The following HNRNPD variants were observed in gnomAD, a reference collection of about 807,000 sequenced individuals.
The protein encoded by HNRNPD is heterogeneous nuclear ribonucleoprotein D, also known as heterogeneous nuclear ribonucleoprotein D0.
In HNRNPD, 3 loss-of-function variants were observed where a neutral mutation model predicts 47.9. The ratio of observed to expected loss-of-function variants is 0.06; its 90% confidence interval spans 0.03 to 0.16. HNRNPD has a LOEUF of 0.16. Ranked by LOEUF, HNRNPD falls within the 10% of genes least tolerant of loss-of-function variation. The pLI is 1.00. For synonymous variants in HNRNPD, 171 were observed against 165.1 expected (o/e 1.04, Z -0.28); for missense variants, 287 against 454.2 (o/e 0.63, Z 3.35).
chr4:82,359,905 A>C (rs1261049920), intron 2 of HNRNPD, among the ~76,000 whole-genome samples: 1 of 152,188 alleles, frequency 6.6e-6, no homozygotes, highest in African/African-American at 2.4e-5. Flanking sequence ...CAAAGTAAAA[A>C]TACTGTACAT....
In HNRNPD at chr4:82,355,318, T is replaced by C. The variant is rs371761235; in HGVS notation, c.*16A>G. ...TTAGAACATACCTGTTGGGGATAAGTTGCAAATGGAATAATTTAGTATGGT... is the reference window on the plus strand; with the variant it reads ...TTAGAACATACCTGTTGGGGATAAGCTGCAAATGGAATAATTTAGTATGGT... On this transcript the variant is annotated 3_prime_UTR_variant, in exon 8 of 9. Transcript: ENST00000313899. 7.7e-5 allele frequency: 123 copies of C among 1,600,092 alleles called. No homozygotes were observed. Among genetic ancestry groups the C allele is most frequent in the Non-Finnish European group, 1.0e-4 (120 of 1,167,798 alleles).
intron 2 of HNRNPD, 60 bp downstream of exon 2, chr4:82,371,468 C>G (rs1022834549): frequency 4.5e-6 from 6 of 1,326,834 alleles, no homozygotes; most frequent in Non-Finnish European, 6.4e-6. Flanking sequence ...AATACACAGC[C>G]TCTACATATT....
At chr4:82,356,382 G>T in intron 7 of HNRNPD, 155 bp downstream of exon 7, 2 of 614,432 alleles carry the variant, frequency 3.3e-6, no homozygotes, top group South Asian at 2.1e-5. Context: ...AGGCTGGGAG[G>T]AACCAAGCAA....
At chr4:82,371,499 A>G (rs1164726965) in intron 2 of HNRNPD, 29 bp downstream of exon 2, 2 of 1,570,494 alleles carry the variant, frequency 1.3e-6, no homozygotes, top group African/African-American at 2.7e-5. Flanking sequence ...AAACCTTTAT[A>G]ATACAGAAAT....
At chr4:82,355,063 C>A in intron 8 of HNRNPD, 1 of 492,640 alleles carries the variant, frequency 2.0e-6, no homozygotes, top group South Asian at 2.6e-5. Flanking sequence ...TGCTGCAATT[C>A]CTTAATTTGT....
In HNRNPD at chr4:82,365,481, T is replaced by C. The variant is rs111537496; in HGVS notation, c.291-5842A>G. 2.4e-3 allele frequency among the ~76,000 whole-genome samples: 367 copies of C among 152,174 alleles called. 5 individuals are homozygous for C. Among genetic ancestry groups the C allele is most frequent in the African/African-American group, 8.3e-3 (345 of 41,526 alleles). ...GGAAGGGAGGAGGTTACAATGCAAC[T>C]AGATAATATCACACGTTAGGGTATT... is the stretch of plus-strand genomic sequence containing the variant. On this transcript the variant is annotated intron_variant, in intron 2 of 8. Coordinates refer to ENST00000313899, the MANE Select transcript of HNRNPD (RefSeq NM_031370.3).
rs1720253244 is a variant in HNRNPD, at chr4:82,373,623, A to G, written c.56T>C (p.Val19Ala). 5 of 1,522,812 alleles carry G rather than the reference A, an allele frequency of 3.3e-6. No individual in the cohort carries two copies. Among genetic ancestry groups the G allele is most frequent in the Non-Finnish European group, 3.5e-6 (4 of 1,141,852 alleles). The allele number at this position is 1,522,812 out of a possible 1,614,324, so 94.3% of individuals were successfully genotyped here. The change falls in exon 1 of 9, where the codon GTA (valine) becomes GCA (alanine). Residue 19 changes from valine to alanine, a missense_variant. Physicochemically the swap from Val to Ala is moderately conservative, Grantham distance 64. Transcript: ENST00000313899. ...CTCCTGCTCGCCCGCCGAGCCGCCTACCGCCGCCGTTGCCGCTGCCGCCGC... is the reference window on the plus strand; with the variant it reads ...CTCCTGCTCGCCCGCCGAGCCGCCTGCCGCCGCCGTTGCCGCTGCCGCCGC... Reference protein sequence around the residue: ...DGAAAAATAAVGGSAGEQEGA... With the variant: ...DGAAAAATAAAGGSAGEQEGA...
At chr4:82,368,311 C>A (rs1007492587) in intron 2 of HNRNPD, among the ~76,000 whole-genome samples, 10 of 151,950 alleles carry the variant, frequency 6.6e-5, no homozygotes, top group Non-Finnish European at 1.3e-4. Context: ...ATTAGGGCAG[C>A]CTTACCCTAA....
At chr4:82,371,874 C>A (rs1720062035) in intron 1 of HNRNPD, among the ~76,000 whole-genome samples, 1 of 152,066 alleles carries the variant, frequency 6.6e-6, no homozygotes, top group African/African-American at 2.4e-5. Context: ...CTCAAATAAG[C>A]TATATACAAT....
At chr4:82,355,179 T>C (rs1258134841) in intron 8 of HNRNPD, 125 bp downstream of exon 8, 7 of 651,328 alleles carry the variant, frequency 1.1e-5, no homozygotes, top group African/African-American at 5.5e-5. Context: ...AAAGTCACTA[T>C]GTTATAATAT....
At chr4:82,367,666 TA>T (rs1225894465) in intron 2 of HNRNPD, among the ~76,000 whole-genome samples, 6 of 152,166 alleles carry the variant, frequency 3.9e-5, no homozygotes, top group African/African-American at 1.4e-4. Context: ...ACCCAATACT[TA>T]AACTGTCACC....
intron 2 of HNRNPD, among the ~76,000 whole-genome samples, chr4:82,368,214 T>G (rs2110000865): frequency 6.6e-6 from 1 of 152,334 alleles, no homozygotes; most frequent in South Asian, 2.1e-4. Context: ...AGGCTAAAAC[T>G]AATCACATCC....
intron 5 of HNRNPD, 40 bp downstream of exon 5, chr4:82,357,273 C>A (rs369976293): frequency 6.4e-7 from 1 of 1,567,708 alleles, no homozygotes; most frequent in Admixed American, 1.9e-5. Flanking sequence ...CTCTTTACAA[C>A]AGCTAGTTTT....
intron 7 of HNRNPD, 183 bp from the exon 8 acceptor site, chr4:82,355,584 A>G: frequency 1.7e-6 from 1 of 584,804 alleles, no homozygotes. Context: ...ATACAATGGC[A>G]GGCATTCAGA....
chr4:82,364,746 C>T (rs1421117667), intron 2 of HNRNPD, among the ~76,000 whole-genome samples: 1 of 152,032 alleles, frequency 6.6e-6, no homozygotes, highest in African/African-American at 2.4e-5. Context: ...CTTGGTCTAC[C>T]CTACATTTAT....
Position 82,356,394 on chromosome 4 carries a change from A to G in HNRNPD, c.1000+143T>C, listed in dbSNP as rs536404578. ...TATAGGCTGGGAGGAACCAAGCAAT[A>G]AAATGGCTGCAGTTTCAAGTTTCCA... On this transcript the variant is annotated intron_variant, in intron 7 of 8. Transcript: ENST00000313899. 6.2e-6 allele frequency: 4 copies of G among 640,446 alleles called. No homozygotes were observed. The Admixed American group carries it at 8.6e-5, about 14-fold the overall frequency. The allele number at this position is 640,446 out of a possible 1,614,324, so 39.7% of individuals were successfully genotyped here. A position where few individuals can be genotyped will look rare whatever the true frequency, so the allele number is the denominator to read the frequency against.
chr4:82,367,409 G>T (rs1578055021), intron 2 of HNRNPD, among the ~76,000 whole-genome samples: 1 of 152,122 alleles, frequency 6.6e-6, no homozygotes, highest in East Asian at 1.9e-4. Flanking sequence ...TATCAATGCT[G>T]AAGTCAGAAA....
chr4:82,358,650 A>AT lies in HNRNPD; in HGVS notation c.621+8dup, dbSNP rs1560434302. The AT allele has an allele frequency of 6.3e-7, 1 of 1,598,562 alleles. No individual in the cohort carries two copies. Among genetic ancestry groups the AT allele is most frequent in the South Asian group, 1.1e-5 (1 of 88,364 alleles). On this transcript the variant is annotated intron_variant, in intron 4 of 8. Coordinates refer to ENST00000313899, the MANE Select transcript of HNRNPD (RefSeq NM_031370.3). Reference sequence around the variant, plus strand: ...TGACATAAACTGGGTCAAAACATTTATAACATACCTCACCAAAACCACCAA... The same window carrying AT: ...TGACATAAACTGGGTCAAAACATTTATTAACATACCTCACCAAAACCACCAA...
intron 2 of HNRNPD, among the ~76,000 whole-genome samples, chr4:82,361,751 T>C (rs1719450177): frequency 6.6e-6 from 1 of 152,068 alleles, no homozygotes; most frequent in Admixed American, 6.5e-5. Flanking sequence ...GCCCCAAATG[T>C]TTTTCAGACA....
Sources: allele counts gnomAD v4.1 joint callset (sites outside exome capture counted in the v4.1 genomes callset), GRCh38; gene constraint gnomAD v4.1.1; transcripts MANE v1.5; gene names NCBI Gene and HGNC (gene_info 2026-07-23, HGNC 2026-07-21).